The following ADGRL3 variants were observed in gnomAD, a reference collection of about 807,000 sequenced individuals.
The protein encoded by ADGRL3 is adhesion G protein-coupled receptor L3.
ADGRL3 carries 62 observed loss-of-function variants against 153.5 expected under a neutral mutation model. The observed-to-expected ratio is 0.40, with a 90% CI of 0.33 to 0.50. ADGRL3 has a LOEUF of 0.50. Ranked by LOEUF, ADGRL3 falls within the 20% of genes least tolerant of loss-of-function variation. ADGRL3 has a pLI of 0.47. For missense variants in ADGRL3, 1,641 were observed against 1,859.4 expected, an observed-to-expected ratio of 0.88 and a Z score of 2.16; for synonymous variants, 710 against 672.5, an observed-to-expected ratio of 1.06 and a Z score of -0.86.
At chr4:61,589,417 A>G (rs185739375) in intron 5 of ADGRL3, among the ~76,000 whole-genome samples, 218 of 152,268 alleles carry the variant, frequency 1.4e-3, no homozygotes, top group African/African-American at 5.0e-3. Context: ...GAACGTAGTT[A>G]CACTATTACG....
At chr4:61,838,704 C>A (rs1287278602) in intron 9 of ADGRL3, among the ~76,000 whole-genome samples, 1 of 152,094 alleles carries the variant, frequency 6.6e-6, no homozygotes. Context: ...ATCATAATTT[C>A]TCCGGTTGAA....
chr4:62,008,875 T>TC (rs2099170905), intron 21 of ADGRL3, among the ~76,000 whole-genome samples: 1 of 152,142 alleles, frequency 6.6e-6, no homozygotes. Context: ...CTCATAAGAT[T>TC]GTAATACCAT....
chr4:61,831,012 C>T (rs1381205361), intron 9 of ADGRL3, among the ~76,000 whole-genome samples: 1 of 152,082 alleles, frequency 6.6e-6, no homozygotes, highest in Non-Finnish European at 1.5e-5. Flanking sequence ...CCTCAGCCAC[C>T]CAAATAGCTG....
intron 2 of ADGRL3, among the ~76,000 whole-genome samples, chr4:61,432,626 CTTTCTTTCT>C (rs2097377755): frequency 1.6e-5 from 1 of 62,778 alleles, no homozygotes; most frequent in East Asian, 3.2e-4. Context: ...TTCTTTCTTT[CTTTCTTTCT>C]TTCTTTCTTT....
intron 1 of ADGRL3, among the ~76,000 whole-genome samples, chr4:61,370,737 C>A (rs1230595961): frequency 1.3e-5 from 2 of 151,706 alleles, no homozygotes; most frequent in African/African-American, 4.8e-5. Context: ...CTGTAGATGT[C>A]TATTAGGTCC....
At chr4:61,681,100 A>C (rs1259782467) in intron 6 of ADGRL3, among the ~76,000 whole-genome samples, 1 of 151,996 alleles carries the variant, frequency 6.6e-6, no homozygotes, top group Non-Finnish European at 1.5e-5. Flanking sequence ...TTGTTCTTCC[A>C]TCTTTCTTCT....
chr4:61,645,516 A>G (rs2093933798), intron 5 of ADGRL3, among the ~76,000 whole-genome samples: 1 of 151,764 alleles, frequency 6.6e-6, no homozygotes, highest in African/African-American at 2.4e-5. Context: ...GCTTATCTGT[A>G]AAGTATTTTA....
chr4:61,432,630 CTT>C (rs1417653985), intron 2 of ADGRL3, among the ~76,000 whole-genome samples: 1 of 50,498 alleles, frequency 2.0e-5, no homozygotes, highest in Non-Finnish European at 4.2e-5. Flanking sequence ...TTCTTTCTTT[CTT>C]TCTTTCTTTC....
At chr4:61,834,638 CAG>C (rs1280990881) in intron 9 of ADGRL3, among the ~76,000 whole-genome samples, 2 of 152,264 alleles carry the variant, frequency 1.3e-5, no homozygotes, top group South Asian at 2.1e-4. Flanking sequence ...TTCCTGCTGA[CAG>C]GGCCATAGTG....
intron 2 of ADGRL3, among the ~76,000 whole-genome samples, chr4:61,475,497 T>G (rs190900060): frequency 2.8e-4 from 43 of 152,298 alleles, no homozygotes; most frequent in African/African-American, 1.0e-3. Context: ...GCAAGATATC[T>G]TCTATGAAGG....
At chr4:61,226,165 C>A (rs1747879282) in intron 1 of ADGRL3, among the ~76,000 whole-genome samples, 1 of 151,982 alleles carries the variant, frequency 6.6e-6, no homozygotes, top group Admixed American at 6.6e-5. Context: ...TAAACATTAA[C>A]ATTTCTAAAC....
At chr4:61,780,242 G>T (rs1393765375) in intron 8 of ADGRL3, among the ~76,000 whole-genome samples, 1 of 152,176 alleles carries the variant, frequency 6.6e-6, no homozygotes, top group Non-Finnish European at 1.5e-5. Flanking sequence ...GCAGCCGCCT[G>T]ATATAGGATG....
rs2091580826 is a variant in ADGRL3 at position 61,613,139 on chromosome 4, C to A, written c.473+25699C>A. ...CTTCAATGCTAAACATGACGTGAAC[C>A]TCTAAATCCTATCATCTCCTGCCGT... is the stretch of plus-strand genomic sequence containing the variant. On this transcript the variant is annotated intron_variant, in intron 5 of 26. Coordinates refer to ENST00000683033, the MANE Select transcript of ADGRL3 (RefSeq NM_001387552.1). Among the ~76,000 whole-genome samples, 3 of 152,098 alleles carry A rather than the reference C, an allele frequency of 2.0e-5. No individual in the cohort carries two copies. In the South Asian group the frequency reaches 6.2e-4, roughly 32 times the overall value.
intron 4 of ADGRL3, among the ~76,000 whole-genome samples, chr4:61,584,712 T>C (rs2098939519): frequency 6.6e-6 from 1 of 151,994 alleles, no homozygotes; most frequent in Non-Finnish European, 1.5e-5. Context: ...TCTTGATAAA[T>C]GTATAAAAGT....
intron 1 of ADGRL3, among the ~76,000 whole-genome samples, chr4:61,320,944 G>C (rs2095342552): frequency 6.6e-6 from 1 of 152,066 alleles, no homozygotes; most frequent in Non-Finnish European, 1.5e-5. Flanking sequence ...TCAGCTGCTA[G>C]AGTCTGCCTT....
intron 8 of ADGRL3, among the ~76,000 whole-genome samples, chr4:61,742,896 A>C (rs2096599417): frequency 6.6e-6 from 1 of 152,180 alleles, no homozygotes; most frequent in Non-Finnish European, 1.5e-5. Flanking sequence ...GTACAAATCA[A>C]TGGCCAAACT....
intron 1 of ADGRL3, among the ~76,000 whole-genome samples, chr4:61,281,385 A>G (rs2093718194): frequency 6.6e-6 from 1 of 152,176 alleles, no homozygotes; most frequent in Non-Finnish European, 1.5e-5. Flanking sequence ...TGGGTACCCC[A>G]AGAGTAAAAT....
intron 1 of ADGRL3, among the ~76,000 whole-genome samples, chr4:61,299,224 C>T (rs562249748): frequency 2.6e-5 from 4 of 152,084 alleles, no homozygotes; most frequent in Non-Finnish European, 5.9e-5. Context: ...TGAAATAACA[C>T]TTCACATATC....
intron 4 of ADGRL3, among the ~76,000 whole-genome samples, chr4:61,570,567 ACCTC>A (rs1389896037): frequency 6.6e-6 from 1 of 151,936 alleles, no homozygotes; most frequent in Admixed American, 6.6e-5. Flanking sequence ...TCTCTGAAAC[ACCTC>A]CCTATCTTTC....
Sources: allele counts gnomAD v4.1 joint callset (sites outside exome capture counted in the v4.1 genomes callset), GRCh38; gene constraint gnomAD v4.1.1; transcripts MANE v1.5; gene names NCBI Gene and HGNC (gene_info 2026-07-23, HGNC 2026-07-21).